FAM171B: variants seen among roughly 807,000 people sequenced by gnomAD.
FAM171B encodes protein FAM171B.
FAM171B carries 19 observed loss-of-function variants against 75.6 expected under a neutral mutation model. The observed-to-expected ratio is 0.25, with a 90% CI of 0.18 to 0.37. FAM171B has a LOEUF of 0.37. Among genes scored for constraint, FAM171B ranks in the 10% least tolerant of loss-of-function variants. The probability of loss-of-function intolerance (pLI) is 1.00; values close to 1 mark genes in which losing one functional copy is unlikely to be tolerated. For synonymous variants in FAM171B, 367 were observed against 361.7 expected (o/e 1.01, Z -0.17); for missense variants, 848 against 982.4 (o/e 0.86, Z 1.83).
Position 186,747,225 on chromosome 2 carries a change from A to G in FAM171B, c.699A>G (p.Thr233=), listed in dbSNP as rs778190487. Residue 233 remains threonine, a synonymous_variant, in exon 4 of 8, where the codon ACA becomes ACG. Coordinates refer to ENST00000304698, the MANE Select transcript of FAM171B (RefSeq NM_177454.4). ...TGAAAGTGGACAATTTTCTGCATACAACTGGAATTACTCTCAATAAACCAG... is the reference window on the plus strand; with the variant it reads ...TGAAAGTGGACAATTTTCTGCATACGACTGGAATTACTCTCAATAAACCAG... ...QFLKVDNFLH[T]TGITLNKPGF... 6.2e-7 allele frequency: 1 copy of G among 1,603,348 alleles called. No homozygotes were observed. The highest frequency in any genetic ancestry group is 1.1e-5 in the South Asian group (1 of 87,876).
At chr2:186,731,967 C>T (rs556062292) in intron 1 of FAM171B, among the ~76,000 whole-genome samples, 10 of 152,270 alleles carry the variant, frequency 6.6e-5, no homozygotes, top group Admixed American at 6.5e-4. Flanking sequence ...AGAAAACAAG[C>T]TCAGGGCTCC....
chr2:186,694,750 C>T (rs1300864710), intron 1 of FAM171B, among the ~76,000 whole-genome samples: 1 of 44,752 alleles, frequency 2.2e-5, no homozygotes, highest in Non-Finnish European at 4.4e-5. Flanking sequence ...ATGACTGTAA[C>T]ACACACACAC....
chr2:186,721,795 C>A (rs192330456), intron 1 of FAM171B, among the ~76,000 whole-genome samples: 11 of 151,634 alleles, frequency 7.3e-5, no homozygotes, highest in African/African-American at 2.7e-4. Flanking sequence ...CTGCACAAAA[C>A]AAAGGCTCTA....
intron 1 of FAM171B, among the ~76,000 whole-genome samples, chr2:186,717,859 G>A (rs1250383279): frequency 6.6e-6 from 1 of 152,090 alleles, no homozygotes; most frequent in Non-Finnish European, 1.5e-5. Flanking sequence ...AATGACATAC[G>A]GATTTGTCTG....
chr2:186,737,763 GAGCT>G (rs973061468), intron 1 of FAM171B, among the ~76,000 whole-genome samples: 1 of 152,226 alleles, frequency 6.6e-6, no homozygotes, highest in African/African-American at 2.4e-5. Context: ...AAAAATAAAA[GAGCT>G]AGCCATGCAG....
At chr2:186,716,193 T>C (rs962243737) in intron 1 of FAM171B, among the ~76,000 whole-genome samples, 2 of 152,168 alleles carry the variant, frequency 1.3e-5, no homozygotes, top group South Asian at 2.1e-4. Flanking sequence ...TTAAATTGTT[T>C]TGTAGAGATA....
At chr2:186,730,313 A>T (rs1690096019) in intron 1 of FAM171B, among the ~76,000 whole-genome samples, 1 of 152,234 alleles carries the variant, frequency 6.6e-6, no homozygotes, top group Admixed American at 6.5e-5. Flanking sequence ...AATGTCTTAC[A>T]GGTGTGTATT....
intron 1 of FAM171B, among the ~76,000 whole-genome samples, chr2:186,720,411 A>G (rs1404304234): frequency 6.6e-6 from 1 of 152,138 alleles, no homozygotes; most frequent in Non-Finnish European, 1.5e-5. Context: ...GTCATGTCAT[A>G]CATTTTGGTG....
At chr2:186,756,349 A>C (rs1025365196) in intron 6 of FAM171B, among the ~76,000 whole-genome samples, 2 of 152,238 alleles carry the variant, frequency 1.3e-5, no homozygotes, top group African/African-American at 4.8e-5. Context: ...TTACTTTGTA[A>C]TTAACTGAGT....
Position 186,698,269 on chromosome 2 carries a change from C to G in FAM171B, c.238+3858C>G, listed in dbSNP as rs562183677. 2.0e-5 allele frequency among the ~76,000 whole-genome samples: 3 copies of G among 152,104 alleles called. No homozygotes were observed. In the East Asian group the frequency reaches 5.8e-4, roughly 29 times the overall value. ...GGATCTCCAGGGATCATAGAAATGT[C>G]TTTTCAGTACAGAGAAAGCTTCTTG... On this transcript the variant is annotated intron_variant, in intron 1 of 7. Coordinates refer to ENST00000304698, the MANE Select transcript of FAM171B (RefSeq NM_177454.4).
chr2:186,708,570 C>G (rs927349922), intron 1 of FAM171B, among the ~76,000 whole-genome samples: 3 of 152,056 alleles, frequency 2.0e-5, no homozygotes, highest in Admixed American at 2.0e-4. Context: ...GTAATTTGGC[C>G]TGAGTTTCCC....
intron 5 of FAM171B, among the ~76,000 whole-genome samples, chr2:186,752,893 A>G (rs1454711571): frequency 6.6e-6 from 1 of 152,238 alleles, no homozygotes; most frequent in African/African-American, 2.4e-5. Flanking sequence ...TAAAAGGTAC[A>G]GGTTTTACTG....
chr2:186,702,308 T>C (rs1039802435), intron 1 of FAM171B, among the ~76,000 whole-genome samples: 1 of 152,224 alleles, frequency 6.6e-6, no homozygotes, highest in African/African-American at 2.4e-5. Context: ...TAAGTACTTG[T>C]GTATCTAAAC....
rs373338082 is a variant in FAM171B at position 186,740,466 on chromosome 2, G to A, written c.472+5G>A. The stretch of plus-strand genomic sequence containing the variant: ...GGAAAACCAGAAGAATGCCAAGTAA[G>A]CACTTAAACAGTTTTTTTTTGTTTG... On this transcript the variant is annotated splice_donor_5th_base_variant and intron_variant, in intron 2 of 7. Transcript: ENST00000304698. 1.0e-5 allele frequency: 16 copies of A among 1,596,724 alleles called. No homozygotes were observed. Among genetic ancestry groups the A allele is most frequent in the Non-Finnish European group, 1.4e-5 (16 of 1,170,082 alleles).
In FAM171B at chr2:186,730,961, A is replaced by G. The variant is rs907705386; in HGVS notation, c.239-9267A>G. Among the ~76,000 whole-genome samples, 6 of 152,322 alleles carry G rather than the reference A, an allele frequency of 3.9e-5. 1 individual carries two copies. Among genetic ancestry groups the G allele is most frequent in the African/African-American group, 1.4e-4 (6 of 41,568 alleles). On this transcript the variant is annotated intron_variant, in intron 1 of 7. Transcript: ENST00000304698. Reference sequence around the variant, plus strand: ...ACAAATGAATTAATAAAAATTCCCTATTGAATATGCTGTTGAAGGAGCCAT... The same window carrying G: ...ACAAATGAATTAATAAAAATTCCCTGTTGAATATGCTGTTGAAGGAGCCAT...
At chr2:186,747,840 A>G (rs1690389080) in intron 4 of FAM171B, among the ~76,000 whole-genome samples, 2 of 152,242 alleles carry the variant, frequency 1.3e-5, no homozygotes. Context: ...TTAGTGGAAC[A>G]ATGGAATTTT....
At chr2:186,751,027 A>G in intron 4 of FAM171B, 107 bp from the exon 5 acceptor site, 1 of 809,494 alleles carries the variant, frequency 1.2e-6, no homozygotes, top group Admixed American at 2.5e-5. Context: ...ATATTAAAAT[A>G]GATAACCCTT....
intron 1 of FAM171B, among the ~76,000 whole-genome samples, chr2:186,736,014 A>G (rs950872273): frequency 6.6e-6 from 1 of 152,192 alleles, no homozygotes; most frequent in African/African-American, 2.4e-5. Flanking sequence ...TGTGTGGATA[A>G]ACTTTACTTA....
intron 1 of FAM171B, among the ~76,000 whole-genome samples, chr2:186,723,252 T>C (rs1689981512): frequency 1.3e-5 from 2 of 152,318 alleles, no homozygotes; most frequent in African/African-American, 4.8e-5. Context: ...TAATTGTTGA[T>C]TCCCCAAAGG....
Sources: allele counts gnomAD v4.1 joint callset (sites outside exome capture counted in the v4.1 genomes callset), GRCh38; gene constraint gnomAD v4.1.1; transcripts MANE v1.5; gene names NCBI Gene and HGNC (gene_info 2026-07-23, HGNC 2026-07-21).